The following U2SURP variants were observed in gnomAD, a reference collection of about 807,000 sequenced individuals.
U2SURP encodes the protein U2 snRNP associated SURP domain containing.
In U2SURP, 9 loss-of-function variants were observed where a neutral mutation model predicts 144.9. The ratio of observed to expected loss-of-function variants is 0.06; its 90% confidence interval spans 0.04 to 0.11. The LOEUF is 0.11. Among genes scored for constraint, U2SURP ranks in the 10% least tolerant of loss-of-function variants. The pLI is 1.00. For missense variants in U2SURP, 724 were observed against 1,226.7 expected (o/e 0.59, Z 6.12); for synonymous variants, 408 against 396.8 (o/e 1.03, Z -0.33).
intron 24 of U2SURP, among the ~76,000 whole-genome samples, chr3:143,046,980 G>A (rs865917871): frequency 2.2e-5 from 3 of 137,106 alleles, no homozygotes; most frequent in Admixed American, 1.4e-4. Flanking sequence ...CGGACGGGGC[G>A]GCTGGCCGGG....
In U2SURP at chr3:143,019,689, T is replaced by C. The variant is rs539276751; in HGVS notation, c.571-280T>C. On this transcript the variant is annotated intron_variant, in intron 6 of 27. Coordinates refer to ENST00000473835, the MANE Select transcript of U2SURP (RefSeq NM_001080415.2). Reference sequence around the variant, plus strand: ...GTGATTTTTGAAGAGTGCGTATTTTTGGCAGTTACTTTCCATGGCAGTTCA... The same window carrying C: ...GTGATTTTTGAAGAGTGCGTATTTTCGGCAGTTACTTTCCATGGCAGTTCA... Among the ~76,000 whole-genome samples the C allele has an allele frequency of 9.1e-4, 138 of 152,380 alleles. 1 individual carries two copies. Among genetic ancestry groups the C allele is most frequent in the African/African-American group, 3.2e-3 (133 of 41,592 alleles).
chr3:143,008,761 T>G (rs568598629), intron 1 of U2SURP, among the ~76,000 whole-genome samples: 2 of 152,242 alleles, frequency 1.3e-5, no homozygotes, highest in African/African-American at 2.4e-5. Flanking sequence ...GGCAATTGAG[T>G]TTTTTTTGTT....
intron 3 of U2SURP, among the ~76,000 whole-genome samples, chr3:143,013,358 TTTAGG>T (rs1326180206): frequency 6.6e-6 from 1 of 152,054 alleles, no homozygotes; most frequent in African/African-American, 2.4e-5. Flanking sequence ...AATATTGACT[TTTAGG>T]TTATAAACTG....
At chr3:143,033,831 T>C (rs899748124) in intron 18 of U2SURP, among the ~76,000 whole-genome samples, 2 of 152,296 alleles carry the variant, frequency 1.3e-5, no homozygotes, top group African/African-American at 4.8e-5. Flanking sequence ...AAAATTGGCT[T>C]ACACTTAAGC....
intron 1 of U2SURP, among the ~76,000 whole-genome samples, chr3:143,008,272 G>A (rs1397199614): frequency 6.6e-6 from 1 of 152,354 alleles, no homozygotes; most frequent in Non-Finnish European, 1.5e-5. Context: ...TGGAGTCAGG[G>A]AAGAGTTAAC....
chr3:143,031,517 A>G (rs550648236), intron 16 of U2SURP, among the ~76,000 whole-genome samples: 24 of 151,934 alleles, frequency 1.6e-4, no homozygotes, highest in Non-Finnish European at 3.1e-4. Context: ...CACCAGCAAA[A>G]ATGCTATGAC....
intron 25 of U2SURP, among the ~76,000 whole-genome samples, chr3:143,053,122 T>G (rs1424120901): frequency 6.6e-6 from 1 of 152,224 alleles, no homozygotes; most frequent in Non-Finnish European, 1.5e-5. Flanking sequence ...GAGCTCTTTT[T>G]GATTAAATCA....
chr3:143,027,854 G>A (rs1933246063), intron 14 of U2SURP, among the ~76,000 whole-genome samples: 1 of 152,118 alleles, frequency 6.6e-6, no homozygotes, highest in Non-Finnish European at 1.5e-5. Context: ...AAATAGTATT[G>A]TTTTTAGCAT....
At chr3:143,009,978 T>G (rs953394800) in intron 1 of U2SURP, among the ~76,000 whole-genome samples, 2 of 152,174 alleles carry the variant, frequency 1.3e-5, no homozygotes, top group Non-Finnish European at 2.9e-5. Context: ...CAAGTAAAAT[T>G]TCACTACCGT....
intron 13 of U2SURP, chr3:143,026,287 A>G (rs1024477263): frequency 9.9e-5 from 15 of 152,132 alleles, no homozygotes; most frequent in Admixed American, 5.2e-4. Flanking sequence ...TTACTCACAT[A>G]TGTTTATTTT....
At chr3:143,026,911 T>G (rs1933184615) in intron 13 of U2SURP, 1 of 354,918 alleles carries the variant, frequency 2.8e-6, no homozygotes, top group Non-Finnish European at 5.1e-6. Flanking sequence ...TGAGGCTGTA[T>G]TGTGGTTTCC....
intron 27 of U2SURP, among the ~76,000 whole-genome samples, chr3:143,056,096 A>G (rs1232538526): frequency 6.6e-6 from 1 of 152,176 alleles, no homozygotes; most frequent in Non-Finnish European, 1.5e-5. Flanking sequence ...TTTATAAACA[A>G]GCGCTCTACT....
At chr3:143,023,305 G>T in intron 12 of U2SURP, 1 of 419,620 alleles carries the variant, frequency 2.4e-6, no homozygotes, top group Non-Finnish European at 4.2e-6. Context: ...TTTTTCCTTT[G>T]TCCAGTGTTG....
chr3:143,056,953 T>TC lies in U2SURP; in HGVS notation c.*504dup. 6.5e-6 allele frequency: 1 copy of TC among 153,574 alleles called. No homozygotes were observed. Among genetic ancestry groups the TC allele is most frequent in the South Asian group, 2.0e-4 (1 of 4,886 alleles). 9.5% of individuals were successfully genotyped at this position (153,574 alleles called of 1,614,324 possible). A position where few individuals can be genotyped will look rare whatever the true frequency, so the allele number is the denominator to read the frequency against. On this transcript the variant is annotated 3_prime_UTR_variant, in exon 28 of 28. Coordinates refer to ENST00000473835, the MANE Select transcript of U2SURP (RefSeq NM_001080415.2). ...TGATGCACTTTATAAGCCCCAGTGT[T>TC]CAAGTAGCTTAAGTTTTATATTTAC... is the stretch of plus-strand genomic sequence containing the variant.
rs1933308422 is a variant in U2SURP at position 143,028,793 on chromosome 3, T to C, written c.1610+147T>C. 14 of 705,160 alleles carry C rather than the reference T, an allele frequency of 2.0e-5. No homozygotes were observed. The South Asian group carries it at 3.1e-4, about 15-fold the overall frequency. The allele number at this position is 705,160 out of a possible 1,614,324, so 43.7% of individuals were successfully genotyped here. ...TAGTAACATCTTTCATCATGTGCTT[T>C]ATAATTTTAAACATCCTAACAAGTA... On this transcript the variant is annotated intron_variant, in intron 16 of 27. Transcript: ENST00000473835.
intron 23 of U2SURP, among the ~76,000 whole-genome samples, chr3:143,041,792 T>C (rs184520004): frequency 1.4e-3 from 215 of 152,150 alleles, no homozygotes; most frequent in African/African-American, 5.1e-3. Context: ...AATACCAACA[T>C]AGAAGGGCTT....
At chr3:143,038,809 A>G (rs547087742) in intron 22 of U2SURP, 85 bp from the exon 23 acceptor site, 39 of 1,003,104 alleles carry the variant, frequency 3.9e-5, no homozygotes, top group East Asian at 6.3e-5. Flanking sequence ...AAACTTTTCA[A>G]TTCTAAAGCT....
chr3:143,056,281 T>A (rs1260748480), intron 27 of U2SURP, 31 bp from the exon 28 acceptor site: 1 of 1,573,746 alleles, frequency 6.4e-7, no homozygotes, highest in South Asian at 1.2e-5. Flanking sequence ...GAGTACTTTA[T>A]CAATTGGGAT....
rs1223679592 is a variant in U2SURP at position 143,047,889 on chromosome 3, C to CA, written c.2545-3050_2545-3049insA. ...TGGCCGGGCGGGGGGCTGACCCCCC[C>CA]CAACCTCCCTCCCGGACGGGGTCAG... On this transcript the variant is annotated intron_variant, in intron 24 of 27. Coordinates refer to ENST00000473835, the MANE Select transcript of U2SURP (RefSeq NM_001080415.2). Among the ~76,000 whole-genome samples the CA allele has an allele frequency of 9.1e-5, 13 of 142,656 alleles. 2 individuals carry two copies. Among genetic ancestry groups the CA allele is most frequent in the Non-Finnish European group, 1.7e-4 (11 of 64,510 alleles). 93.6% of individuals were successfully genotyped at this position (142,656 alleles called of 152,430 possible).
Sources: allele counts gnomAD v4.1 joint callset (sites outside exome capture counted in the v4.1 genomes callset), GRCh38; gene constraint gnomAD v4.1.1; transcripts MANE v1.5; gene names NCBI Gene and HGNC (gene_info 2026-07-23, HGNC 2026-07-21).